AREL1: variants seen among roughly 807,000 people sequenced by gnomAD.
AREL1 encodes the protein apoptosis-resistant E3 ubiquitin protein ligase 1.
AREL1 carries 62 observed loss-of-function variants against 99.0 expected under a neutral mutation model. The observed-to-expected ratio is 0.63, with a 90% confidence interval of 0.51 to 0.77. The LOEUF is 0.77. Ranked by LOEUF, AREL1 falls within the 30% of genes least tolerant of loss-of-function variation. The pLI is 0.00. For missense variants in AREL1, 879 were observed against 1,027.6 expected (o/e 0.86, Z 1.98); for synonymous variants, 380 against 376.5 (o/e 1.01, Z -0.11).
chr14:74,689,123 C>G (rs2089813925), intron 2 of AREL1, among the ~76,000 whole-genome samples: 1 of 151,950 alleles, frequency 6.6e-6, no homozygotes, highest in African/African-American at 2.4e-5. Flanking sequence ...GCTGGGATTA[C>G]AAGCGTGAGC....
chr14:74,679,188 C>T (rs1305925130), intron 5 of AREL1, among the ~76,000 whole-genome samples: 1 of 152,188 alleles, frequency 6.6e-6, no homozygotes, highest in African/African-American at 2.4e-5. Flanking sequence ...AACATGTGCT[C>T]TGTGAATAAC....
intron 1 of AREL1, 156 bp downstream of exon 1, chr14:74,712,777 G>C (rs2090337993): frequency 2.8e-6 from 1 of 353,122 alleles, no homozygotes; most frequent in South Asian, 2.3e-5. Flanking sequence ...ATAGACACCG[G>C]ATACCCCAAC....
At chr14:74,690,662 C>A (rs1284293246) in intron 2 of AREL1, among the ~76,000 whole-genome samples, 1 of 152,188 alleles carries the variant, frequency 6.6e-6, no homozygotes, top group East Asian at 1.9e-4. Flanking sequence ...GCAGTACAAA[C>A]AAGTATGTGA....
intron 5 of AREL1, among the ~76,000 whole-genome samples, chr14:74,677,728 C>T (rs1435017017): frequency 6.6e-6 from 1 of 151,326 alleles, no homozygotes; most frequent in African/African-American, 2.4e-5. Context: ...GTCTCAAACT[C>T]CCCACCTTGT....
chr14:74,677,942 A>C (rs985187391), intron 5 of AREL1, among the ~76,000 whole-genome samples: 1 of 152,208 alleles, frequency 6.6e-6, no homozygotes, highest in African/African-American at 2.4e-5. Context: ...GGAAGAAATA[A>C]AACAAAAAAA....
At chr14:74,685,509 T>C in intron 3 of AREL1, 91 bp downstream of exon 3, 1 of 1,462,364 alleles carries the variant, frequency 6.8e-7, no homozygotes, top group South Asian at 1.2e-5. Flanking sequence ...TTCAGCTCCA[T>C]TTTCAAAGGG....
At chr14:74,669,822 G>A (rs1352051938) in intron 14 of AREL1, 48 bp from the exon 15 acceptor site, 2 of 1,608,790 alleles carry the variant, frequency 1.2e-6, no homozygotes, top group Non-Finnish European at 1.7e-6. Flanking sequence ...CTCTTGCCCT[G>A]AAAGGTGTAA....
intron 11 of AREL1, chr14:74,672,042 C>T (rs1398720321): frequency 2.2e-6 from 1 of 453,866 alleles, no homozygotes; most frequent in African/African-American, 2.0e-5. Context: ...AAGAACTATG[C>T]CAGTGTCTGT....
chr14:74,673,995 A>C, intron 9 of AREL1, 39 bp downstream of exon 9: 3 of 1,509,414 alleles, frequency 2.0e-6, no homozygotes, highest in Non-Finnish European at 2.8e-6. Context: ...CCAGAGATGA[A>C]GCATGCTTGA....
rs1008756540 is a variant in AREL1, at chr14:74,686,052, G to T, written c.-45-392C>A. 3.3e-5 allele frequency among the ~76,000 whole-genome samples: 5 copies of T among 152,032 alleles called. No homozygotes were observed. The East Asian group carries it at 9.6e-4, about 29-fold the overall frequency. ...ATGGAGTCACTTTCCCCTTATGTTT[G>T]CCTTTTGGGAGTAATTCAGCTAAGT... is the stretch of plus-strand genomic sequence containing the variant. On this transcript the variant is annotated intron_variant, in intron 2 of 19. Transcript: ENST00000356357.
chr14:74,678,183 T>G (rs2089537061), intron 5 of AREL1: 1 of 454,966 alleles, frequency 2.2e-6, no homozygotes, highest in Non-Finnish European at 4.4e-6. Context: ...GCTTACCAAT[T>G]TCAAGACTTA....
intron 1 of AREL1, chr14:74,701,687 C>G (rs2090088845): frequency 6.6e-6 from 1 of 152,188 alleles, no homozygotes; most frequent in South Asian, 2.1e-4. Flanking sequence ...ACCAATCATG[C>G]CTTCCCAACA....
At chr14:74,682,137 A>C (rs1400570861) in intron 5 of AREL1, among the ~76,000 whole-genome samples, 1 of 152,234 alleles carries the variant, frequency 6.6e-6, no homozygotes, top group Non-Finnish European at 1.5e-5. Context: ...TGAGTGAGGC[A>C]CTTAAGCAAA....
At chr14:74,696,457 T>G (rs2089980624) in intron 1 of AREL1, among the ~76,000 whole-genome samples, 1 of 152,254 alleles carries the variant, frequency 6.6e-6, no homozygotes, top group South Asian at 2.1e-4. Context: ...TTCCTAAAAC[T>G]AGTATCTCGG....
At chr14:74,674,859 G>C (rs993823014) in intron 8 of AREL1, among the ~76,000 whole-genome samples, 1 of 152,122 alleles carries the variant, frequency 6.6e-6, no homozygotes, top group African/African-American at 2.4e-5. Flanking sequence ...ATGGTGCCAA[G>C]GATCTGCCAG....
At chr14:74,686,340 G>A (rs185917693) in intron 2 of AREL1, among the ~76,000 whole-genome samples, 39 of 152,306 alleles carry the variant, frequency 2.6e-4, no homozygotes, top group Non-Finnish European at 5.1e-4. Context: ...GAGTCTGAGG[G>A]AAGACTTTCA....
rs930905070 is a variant in AREL1, at chr14:74,663,596, CAG to C, written c.*122_*123del. On this transcript the variant is annotated 3_prime_UTR_variant, in exon 20 of 20. Transcript: ENST00000356357. ...TGTAGGTGACAAAATCCTCCAGACA[CAG>C]GGGAGCATGCGGCATCTTCTGGCTG... is the stretch of plus-strand genomic sequence containing the variant. 7 of 1,011,782 alleles carry C rather than the reference CAG, an allele frequency of 6.9e-6. No individual in the cohort carries two copies. Among genetic ancestry groups the C allele is most frequent in the East Asian group, 2.4e-5 (1 of 41,838 alleles). The allele number at this position is 1,011,782 out of a possible 1,614,324, so 62.7% of individuals were successfully genotyped here. A position where few individuals can be genotyped will look rare whatever the true frequency, so the allele number is the denominator to read the frequency against.
intron 15 of AREL1, among the ~76,000 whole-genome samples, chr14:74,668,846 A>T (rs552359061): frequency 1.2e-4 from 18 of 152,326 alleles, no homozygotes; most frequent in Admixed American, 9.2e-4. Flanking sequence ...TGCATCGGAA[A>T]TATCTCTGGG....
chr14:74,710,011 C>T (rs2090251413), intron 1 of AREL1, among the ~76,000 whole-genome samples: 1 of 152,160 alleles, frequency 6.6e-6, no homozygotes, highest in Admixed American at 6.5e-5. Flanking sequence ...TGCAAAACAA[C>T]CCTCTTGACT....
Sources: gnomAD v4.1 joint callset for allele counts (sites outside exome capture counted in the v4.1 genomes callset) on GRCh38, gnomAD v4.1.1 for gene constraint, MANE v1.5 for transcripts, NCBI Gene and HGNC (gene_info 2026-07-23, HGNC 2026-07-21) for gene names.